The following RPS29 variants were observed in gnomAD, a reference collection of about 807,000 sequenced individuals.
The protein encoded by RPS29 is small ribosomal subunit protein uS14.
For missense variants in RPS29, 60 were observed against 75.7 expected, an observed-to-expected ratio of 0.79 and a Z score of 0.77; for synonymous variants, 37 against 26.9, an observed-to-expected ratio of 1.37 and a Z score of -1.16.
At chr14:49,593,589 A>C (rs1168327660) in intron 1 of RPS29, among the ~76,000 whole-genome samples, 2 of 143,732 alleles carry the variant, frequency 1.4e-5, no homozygotes, top group African/African-American at 5.1e-5. Context: ...GCTACTCAGG[A>C]GGCTGAGGCA....
At chr14:49,571,561 G>A (rs1296015559) in exon 3 of RPS29, 1 of 152,158 alleles carries the variant, frequency 6.6e-6, no homozygotes, top group African/African-American at 2.4e-5. Context: ...TACATAGCTG[G>A]TGCTTTGAGT....
intron 1 of RPS29, among the ~76,000 whole-genome samples, chr14:49,596,112 G>C (rs1881817391): frequency 6.6e-6 from 1 of 152,102 alleles, no homozygotes; most frequent in African/African-American, 2.4e-5. Context: ...AGTGCAATTG[G>C]AGCTTGCAAA....
downstream of RPS29, among the ~76,000 whole-genome samples, chr14:49,581,158 C>T (rs542173638): frequency 1.9e-3 from 283 of 152,056 alleles, no homozygotes; most frequent in South Asian, 3.3e-3. Context: ...CTGCAGCACT[C>T]CAGCCTGGGC....
chr14:49,594,769 T>C (rs899822882), intron 1 of RPS29, among the ~76,000 whole-genome samples: 6 of 152,234 alleles, frequency 3.9e-5, no homozygotes, highest in Non-Finnish European at 7.3e-5. Context: ...CATATACATA[T>C]ATTTCTATGA....
chr14:49,579,031 T>G (rs1881265764), downstream of RPS29, among the ~76,000 whole-genome samples: 1 of 152,172 alleles, frequency 6.6e-6, no homozygotes, highest in Non-Finnish European at 1.5e-5. Flanking sequence ...AATTGTTGTA[T>G]TAAAGGAGAT....
In RPS29 at chr14:49,585,980, A is replaced by C; in HGVS notation, c.132T>G (p.Arg44=). Residue 44 remains arginine, a synonymous_variant, in exon 2 of 3, where the codon CGT becomes CGG. Coordinates refer to ENST00000245458, the MANE Select transcript of RPS29 (RefSeq NM_001032.5). ...TGAAACCGATATCCTTCGCGTACTG[A>C]CGGAAACACTGGCGGCACATATTGA... The part of the protein sequence containing the change: ...YGLNMCRQCF[R]QYAKDIGFIK... 1 of 1,613,922 alleles carries C rather than the reference A, an allele frequency of 6.2e-7. No individual in the cohort carries two copies.
chr14:49,586,425 C>A (rs1418224969), upstream of RPS29: 1 of 1,301,812 alleles, frequency 7.7e-7, no homozygotes, highest in Non-Finnish European at 1.1e-6. Context: ...AGACAGTTTA[C>A]CCAGAATGCA....
rs1425542937 is a variant in RPS29, at chr14:49,585,968, C to G, written c.144G>C (p.Lys48Asn). 1 of 1,613,778 alleles carries G rather than the reference C, an allele frequency of 6.2e-7. No homozygotes were observed. The highest frequency in any genetic ancestry group is 8.5e-7 in the Non-Finnish European group (1 of 1,179,710). The change falls in exon 2 of 3, where the codon AAG becomes AAC. Residue 48 changes from lysine (K) to asparagine (N), a missense_variant. Coordinates refer to ENST00000245458, the MANE Select transcript of RPS29 (RefSeq NM_001032.5). ...MCRQCFRQYA[K>N]DIGFIKLD ...CGCCTACCTTAATGAAACCGATATC[C>G]TTCGCGTACTGACGGAAACACTGGC...
At chr14:49,590,357 T>A (rs1252784540), upstream of RPS29, among the ~76,000 whole-genome samples, 1 of 151,974 alleles carries the variant, frequency 6.6e-6, no homozygotes, top group Non-Finnish European at 1.5e-5. Flanking sequence ...GCGCCTGTAG[T>A]CCCAGCTACT....
chr14:49,590,326 A>G (rs1881684258), upstream of RPS29, among the ~76,000 whole-genome samples: 1 of 151,386 alleles, frequency 6.6e-6, no homozygotes, highest in Admixed American at 6.6e-5. Flanking sequence ...AAATACAAAA[A>G]TTAGCCAGGC....
intron 2 of RPS29, among the ~76,000 whole-genome samples, chr14:49,578,115 CT>C (rs906251757): frequency 3.0e-4 from 45 of 147,786 alleles, no homozygotes; most frequent in South Asian, 2.2e-4. Flanking sequence ...ATATTTAGCC[CT>C]TTTTTTTTTC....
At chr14:49,572,139 C>T (rs955847139) in exon 3 of RPS29, 2 of 152,096 alleles carry the variant, frequency 1.3e-5, no homozygotes, top group African/African-American at 4.8e-5. Flanking sequence ...TTAGTAGATA[C>T]GAGGTTCACG....
intron 2 of RPS29, among the ~76,000 whole-genome samples, chr14:49,585,046 T>A (rs1881478872): frequency 6.6e-6 from 1 of 152,018 alleles, no homozygotes; most frequent in Non-Finnish European, 1.5e-5. Context: ...CCCCAAACTT[T>A]AAGTTCATTC....
At chr14:49,574,977 G>T (rs1443171554) in exon 3 of RPS29, 1 of 152,338 alleles carries the variant, frequency 6.6e-6, no homozygotes, top group African/African-American at 2.4e-5. Flanking sequence ...TCTAGAGCCA[G>T]AGACTTTGAG....
At chr14:49,582,012 C>CAAAAAAAAAAAAAAAAAAAAAAAA (rs58507206), downstream of RPS29, among the ~76,000 whole-genome samples, 2 of 106,534 alleles carry the variant, frequency 1.9e-5, no homozygotes, top group African/African-American at 4.5e-5. Flanking sequence ...CCCTGCCCCC[C>CAAAAAAAAAAAAAAAAAAAAAAAA]AAAAAAAAAA....
chr14:49,591,130 C>T (rs1289664533), upstream of RPS29, among the ~76,000 whole-genome samples: 3 of 152,044 alleles, frequency 2.0e-5, no homozygotes, highest in Non-Finnish European at 2.9e-5. Context: ...GTAAAACATA[C>T]ATACTTCAGG....
upstream of RPS29, chr14:49,586,649 C>T (rs1211623220): frequency 4.5e-5 from 19 of 421,122 alleles, no homozygotes; most frequent in East Asian, 4.8e-5. Flanking sequence ...TCGCTTGAGT[C>T]CAGGAGTTCT....
intron 2 of RPS29, among the ~76,000 whole-genome samples, chr14:49,578,495 ACT>A (rs1299699602): frequency 6.6e-6 from 1 of 150,642 alleles, no homozygotes; most frequent in East Asian, 1.9e-4. Context: ...ACAATTTTTC[ACT>A]TTTTATAAAA....
chr14:49,589,144 C>T (rs1237850326), upstream of RPS29, among the ~76,000 whole-genome samples: 1 of 152,020 alleles, frequency 6.6e-6, no homozygotes, highest in Non-Finnish European at 1.5e-5. Context: ...CCGCCCGCCT[C>T]GACCTCCCAA....
Sources: gnomAD v4.1 joint callset for allele counts (sites outside exome capture counted in the v4.1 genomes callset) on GRCh38, gnomAD v4.1.1 for gene constraint, MANE v1.5 for transcripts, NCBI Gene and HGNC (gene_info 2026-07-23, HGNC 2026-07-21) for gene names.